Variants in ARHGAP5 observed in about 807,000 individuals in gnomAD.
ARHGAP5 encodes the protein Rho GTPase activating protein 5, also known as rho GTPase-activating protein 5.
Under a neutral mutation model 116.6 loss-of-function variants are expected in ARHGAP5, and 23 were observed. The ratio of observed to expected loss-of-function variants is 0.20; its 90% CI spans 0.14 to 0.28. The LOEUF (loss-of-function observed/expected upper bound fraction) is 0.28. Ranked by LOEUF, ARHGAP5 falls within the 10% of genes least tolerant of loss-of-function variation. ARHGAP5 has a pLI of 1.00. For synonymous variants in ARHGAP5, 574 were observed against 602.0 expected, an observed-to-expected ratio of 0.95 and a Z score of 0.68; for missense variants, 1,405 against 1,774.8, an observed-to-expected ratio of 0.79 and a Z score of 3.74.
chr14:32,136,647 C>T lies in ARHGAP5; in HGVS notation c.3866-9616C>T, dbSNP rs117381978. 9.2e-5 allele frequency among the ~76,000 whole-genome samples: 14 copies of T among 152,220 alleles called. No homozygotes were observed. In the East Asian group the frequency reaches 2.1e-3, roughly 23 times the overall value. ...CTAGGAGTGGAATTGCTGGATCATA[C>T]GGTAATTCTATGTTTAACTTAGTAG... On this transcript the variant is annotated intron_variant, in intron 3 of 6. Transcript: ENST00000345122.
intron 3 of ARHGAP5, among the ~76,000 whole-genome samples, chr14:32,140,048 C>T (rs1239936152): frequency 1.5e-5 from 2 of 136,470 alleles, no homozygotes; most frequent in African/African-American, 5.4e-5. Context: ...TTTGTATATT[C>T]CACTTCCTTT....
intron 4 of ARHGAP5, among the ~76,000 whole-genome samples, chr14:32,148,084 G>A (rs1003516514): frequency 5.9e-5 from 9 of 152,036 alleles, no homozygotes; most frequent in African/African-American, 2.2e-4. Flanking sequence ...ACCCAGGAGG[G>A]GGAGGTTGCA....
At chr14:32,133,655 T>G (rs1880627685) in intron 3 of ARHGAP5, among the ~76,000 whole-genome samples, 1 of 152,182 alleles carries the variant, frequency 6.6e-6, no homozygotes, top group Non-Finnish European at 1.5e-5. Context: ...ATCCCTGTCT[T>G]GTGCCCGTTT....
At chr14:32,107,251 G>T (rs1879061169) in intron 2 of ARHGAP5, among the ~76,000 whole-genome samples, 1 of 152,202 alleles carries the variant, frequency 6.6e-6, no homozygotes, top group East Asian at 1.9e-4. Flanking sequence ...CATACAGTTG[G>T]CTATTCTTCC....
At chr14:32,137,304 T>C (rs1343914635) in intron 3 of ARHGAP5, among the ~76,000 whole-genome samples, 1 of 150,540 alleles carries the variant, frequency 6.6e-6, no homozygotes, top group Non-Finnish European at 1.5e-5. Context: ...CGCCTGTCTC[T>C]GCACTATTTA....
At chr14:32,086,599 TTAAA>T (rs1442146107) in intron 1 of ARHGAP5, among the ~76,000 whole-genome samples, 1 of 151,204 alleles carries the variant, frequency 6.6e-6, no homozygotes, top group Non-Finnish European at 1.5e-5. Flanking sequence ...TAAAATATTT[TTAAA>T]TATATACCTT....
At chr14:32,114,192 C>T (rs147751625) in intron 2 of ARHGAP5, among the ~76,000 whole-genome samples, 9,045 of 151,544 alleles carry the variant, frequency 0.06, 849 homozygotes, top group African/African-American at 0.2. Context: ...CACGCCACTG[C>T]ACTCCAGCCT....
chr14:32,139,049 T>C (rs966433325), intron 3 of ARHGAP5, among the ~76,000 whole-genome samples: 1 of 152,194 alleles, frequency 6.6e-6, no homozygotes, highest in Admixed American at 6.5e-5. Context: ...CTTGCTTTTT[T>C]TGGATAAATC....
At chr14:32,135,900 A>T (rs997233116) in intron 3 of ARHGAP5, among the ~76,000 whole-genome samples, 2 of 152,258 alleles carry the variant, frequency 1.3e-5, no homozygotes. Flanking sequence ...TTGATAACTG[A>T]TGAATGTAGG....
chr14:32,115,549 C>T (rs1879516304), intron 2 of ARHGAP5, among the ~76,000 whole-genome samples: 1 of 151,454 alleles, frequency 6.6e-6, no homozygotes, highest in Non-Finnish European at 1.5e-5. Context: ...ACCAGTAGTC[C>T]CAGCTACTCA....
Position 32,092,547 on chromosome 14 carries a change from T to A in ARHGAP5, c.1878T>A (p.Asp626Glu). The A allele has an allele frequency of 6.2e-7, 1 of 1,613,802 alleles. No homozygotes were observed. The highest frequency in any genetic ancestry group is 8.5e-7 in the Non-Finnish European group (1 of 1,179,850). ...CCACTGATGATGAGTATGCCTTAGA[T>A]GGAAAAATTTATGAACTTGATCTTC... Reference protein sequence around the residue: ...TQSTDDEYALDGKIYELDLRP... With the variant: ...TQSTDDEYALEGKIYELDLRP... The change falls in exon 2 of 7, where the codon GAT becomes GAA. Residue 626 changes from aspartate (D) to glutamate (E), a missense_variant. Asp to Glu is a conservative substitution (Grantham distance 45). Around this residue, in one of 6 missense-constraint regions of ARHGAP5, gnomAD observed 944 missense variants for 1,095.3 expected, o/e 0.86. Transcript: ENST00000345122. This position sits in a 1 kb window ranked among gnomAD's most constrained non-coding sequence, Gnocchi z 4.1.
At chr14:32,110,436 A>T (rs1324631230) in intron 2 of ARHGAP5, among the ~76,000 whole-genome samples, 1 of 151,918 alleles carries the variant, frequency 6.6e-6, no homozygotes, top group Non-Finnish European at 1.5e-5. Flanking sequence ...CTGGGATTGG[A>T]TTACAATTTT....
At chr14:32,153,751 G>A (rs564162480) in intron 6 of ARHGAP5, among the ~76,000 whole-genome samples, 27 of 151,874 alleles carry the variant, frequency 1.8e-4, no homozygotes, top group Non-Finnish European at 3.8e-4. Flanking sequence ...GGTTACAGGC[G>A]TGATCTACCG....
intron 3 of ARHGAP5, among the ~76,000 whole-genome samples, chr14:32,128,503 A>G (rs941438704): frequency 1.3e-5 from 2 of 152,204 alleles, no homozygotes; most frequent in African/African-American, 4.8e-5. Context: ...CCTCATTCCA[A>G]GGATGGCTCT....
chr14:32,116,907 T>G (rs1460090210), intron 2 of ARHGAP5, among the ~76,000 whole-genome samples: 1 of 152,234 alleles, frequency 6.6e-6, no homozygotes, highest in Non-Finnish European at 1.5e-5. Context: ...AAGTCTGTTA[T>G]TTTCCAAAGA....
chr14:32,128,214 G>C (rs1880286550), intron 3 of ARHGAP5, among the ~76,000 whole-genome samples: 1 of 152,042 alleles, frequency 6.6e-6, no homozygotes, highest in African/African-American at 2.4e-5. Flanking sequence ...CGGCCAGGCA[G>C]AGGGGCTCCT....
Position 32,093,775 on chromosome 14 carries a change from G to T in ARHGAP5, c.3106G>T (p.Val1036Leu). ...NCHDHERNHK[V>L]PPPIKPKPVV... ...TCATGACCATGAACGCAACCATAAA[G>T]TGCCTCCACCTATTAAACCTAAACC... is the stretch of plus-strand genomic sequence containing the variant. The change falls in exon 2 of 7, where the codon GTG (valine) becomes TTG (leucine). Residue 1036 changes from valine to leucine, a missense_variant. Around this residue, in one of 6 missense-constraint regions of ARHGAP5, gnomAD observed 944 missense variants for 1,095.3 expected, o/e 0.86. Transcript: ENST00000345122. The T allele has an allele frequency of 6.2e-7, 1 of 1,614,034 alleles. No individual in the cohort carries two copies. The highest frequency in any genetic ancestry group is 1.1e-5 in the South Asian group (1 of 91,080).
intron 3 of ARHGAP5, 144 bp from the exon 4 acceptor site, chr14:32,146,119 C>T: frequency 3.6e-6 from 2 of 555,122 alleles, no homozygotes; most frequent in Non-Finnish European, 6.4e-6. Flanking sequence ...CCTGTGTTGC[C>T]CAGGCTGGGC....
At position 32,154,913 on chromosome 14, in the gene ARHGAP5, C is replaced by G; in HGVS notation, c.4474C>G (p.Pro1492Ala). ...PPPLQPQLIQPQLQTDPLGII is the reference protein window; with the variant it reads ...PPPLQPQLIQAQLQTDPLGII ...ACCATTGCAACCTCAGCTGATACAA[C>G]CACAATTACAAACGGATCCTCTTGG... The change falls in exon 7 of 7, where the codon CCA becomes GCA. Residue 1492 changes from proline to alanine, a missense_variant. This residue lies in a region of ARHGAP5 where 85 missense variants were observed against 96.6 expected (regional missense o/e 0.88). Transcript: ENST00000345122. 1 of 1,613,824 alleles carries G rather than the reference C, an allele frequency of 6.2e-7. No homozygotes were observed. Among genetic ancestry groups the G allele is most frequent in the South Asian group, 1.1e-5 (1 of 91,058 alleles).
Sources: allele counts gnomAD v4.1 joint callset (sites outside exome capture counted in the v4.1 genomes callset), GRCh38; gene constraint gnomAD v4.1.1; regional missense constraint gnomAD v4.1.1; non-coding constraint Gnocchi (gnomAD v3.1); transcripts MANE v1.5; gene names NCBI Gene and HGNC (gene_info 2026-07-23, HGNC 2026-07-21).